Variants in FHOD3 observed in about 807,000 individuals in gnomAD.
The protein encoded by FHOD3 is FH1/FH2 domain-containing protein 3.
Under a neutral mutation model 173.0 loss-of-function variants are expected in FHOD3, and 90 were observed. The observed-to-expected ratio is 0.52, with a 90% CI of 0.44 to 0.62. The LOEUF (loss-of-function observed/expected upper bound fraction) is 0.62. FHOD3 is among the 20% of genes least tolerant of loss of function. FHOD3 has a pLI of 0.00. For missense variants in FHOD3, 1,945 were observed against 2,034.7 expected (o/e 0.96, Z 0.85); for synonymous variants, 828 against 823.0 (o/e 1.01, Z -0.10).
At chr18:36,589,916 G>A (rs1026560879) in intron 6 of FHOD3, among the ~76,000 whole-genome samples, 1 of 152,188 alleles carries the variant, frequency 6.6e-6, no homozygotes, top group Non-Finnish European at 1.5e-5. Flanking sequence ...GAGCCTGTAA[G>A]TTGTAGTGAA....
intron 2 of FHOD3, among the ~76,000 whole-genome samples, chr18:36,356,321 G>T (rs929868643): frequency 5.9e-5 from 9 of 152,196 alleles, no homozygotes; most frequent in African/African-American, 2.2e-4. Flanking sequence ...TAATACTTTT[G>T]CTGAATAAAG....
At chr18:36,322,172 G>A (rs1020869381) in intron 1 of FHOD3, among the ~76,000 whole-genome samples, 55 of 152,100 alleles carry the variant, frequency 3.6e-4, no homozygotes, top group African/African-American at 1.3e-3. Context: ...TGGAGTAGAG[G>A]GATGACTGTG....
intron 28 of FHOD3, among the ~76,000 whole-genome samples, chr18:36,772,722 A>C (rs1300881495): frequency 6.6e-6 from 1 of 152,240 alleles, no homozygotes; most frequent in Non-Finnish European, 1.5e-5. Context: ...CCCATGGCTC[A>C]GGTCGGCTGC....
chr18:36,511,576 T>A (rs1320442718), intron 4 of FHOD3, among the ~76,000 whole-genome samples: 2 of 152,084 alleles, frequency 1.3e-5, no homozygotes, highest in African/African-American at 2.4e-5. Context: ...CAGATGATTC[T>A]AATGTGAAGG....
intron 10 of FHOD3, among the ~76,000 whole-genome samples, chr18:36,633,535 G>T (rs1190262814): frequency 6.6e-6 from 1 of 152,160 alleles, no homozygotes; most frequent in Non-Finnish European, 1.5e-5. Context: ...CATGAAGAAG[G>T]TAGGAGTATC....
At chr18:36,395,690 C>T (rs1236964845) in intron 3 of FHOD3, among the ~76,000 whole-genome samples, 2 of 151,980 alleles carry the variant, frequency 1.3e-5, no homozygotes, top group Non-Finnish European at 2.9e-5. Context: ...CTGGCTGTTA[C>T]TAAGAGAAAT....
chr18:36,591,753 A>G (rs931342685), intron 6 of FHOD3, among the ~76,000 whole-genome samples: 3 of 2,042 alleles, frequency 1.5e-3, no homozygotes, highest in Non-Finnish European at 0.025. Context: ...CACTATCTCT[A>G]CAAAAAAAAA....
intron 3 of FHOD3, among the ~76,000 whole-genome samples, chr18:36,446,260 G>C (rs2051465581): frequency 6.6e-6 from 1 of 152,148 alleles, no homozygotes; most frequent in Non-Finnish European, 1.5e-5. Flanking sequence ...AGTGCATAAG[G>C]GCCCTGGGGG....
intron 6 of FHOD3, among the ~76,000 whole-genome samples, chr18:36,578,605 C>T (rs537518131): frequency 6.6e-6 from 1 of 152,284 alleles, no homozygotes; most frequent in East Asian, 1.9e-4. Flanking sequence ...GCTGGGGAGT[C>T]CATCCCCTGG....
intron 9 of FHOD3, among the ~76,000 whole-genome samples, chr18:36,623,401 A>G (rs2033859316): frequency 6.6e-6 from 1 of 152,256 alleles, no homozygotes; most frequent in African/African-American, 2.4e-5. Flanking sequence ...TTTTATTTAT[A>G]GAAATGAAAA....
At chr18:36,582,386 C>A (rs2058883874) in intron 6 of FHOD3, among the ~76,000 whole-genome samples, 1 of 152,170 alleles carries the variant, frequency 6.6e-6, no homozygotes. Flanking sequence ...ATGGCAATGT[C>A]ATGTTAAAGG....
In FHOD3 at chr18:36,576,457, G is replaced by A; in HGVS notation, c.518G>A (p.Gly173Asp). 1 of 1,611,808 alleles carries A rather than the reference G, an allele frequency of 6.2e-7. No homozygotes were observed. The highest frequency in any genetic ancestry group is 8.5e-7 in the Non-Finnish European group (1 of 1,179,060). The change falls in exon 6 of 29, where the codon GGC (glycine) becomes GAC (aspartate). Residue 173 changes from glycine to aspartate, a missense_variant. Physicochemically the swap from Gly to Asp is moderately conservative, Grantham distance 94. Transcript: ENST00000590592. Reference sequence around the variant, plus strand: ...TTTCTCTTGTTTTCTGTAGCTTTGGGCCAGATTATGTTGTATGTGGATGGA... The same window carrying A: ...TTTCTCTTGTTTTCTGTAGCTTTGGACCAGATTATGTTGTATGTGGATGGA... ...NYQNYILRAL[G>D]QIMLYVDGMN...
intron 5 of FHOD3, among the ~76,000 whole-genome samples, chr18:36,571,167 A>T (rs1040976400): frequency 4.6e-5 from 7 of 152,226 alleles, no homozygotes; most frequent in African/African-American, 1.4e-4. Context: ...TTAATGTTTA[A>T]CAAAGTTATA....
At position 36,625,578 on chromosome 18, in the gene FHOD3, G is replaced by A. The variant is rs2034038703; in HGVS notation, c.1025G>A (p.Arg342Lys). ...EPPPSGCRDR[R>K]RASVCSSGGG... Reference sequence around the variant, plus strand: ...CCCCCCAGTGGGTGCCGGGACCGGAGGAGGGCCAGCGTGTGTTCCAGTGGC... The same window carrying A: ...CCCCCCAGTGGGTGCCGGGACCGGAAGAGGGCCAGCGTGTGTTCCAGTGGC... Residue 342 changes from arginine (R) to lysine (K), a missense_variant, in exon 10 of 29, where the codon AGG (arginine) becomes AAG (lysine). This residue lies in a region of FHOD3 where 1,099 missense variants were observed against 1,051.2 expected (regional missense o/e 1.05). Coordinates refer to ENST00000590592, the MANE Select transcript of FHOD3 (RefSeq NM_001281740.3). 1.3e-6 allele frequency: 2 copies of A among 1,550,430 alleles called. No individual in the cohort carries two copies. The highest frequency in any genetic ancestry group is 2.8e-5 in the African/African-American group (2 of 72,532).
chr18:36,578,014 GT>G (rs1158380107), intron 6 of FHOD3, among the ~76,000 whole-genome samples: 2 of 152,204 alleles, frequency 1.3e-5, no homozygotes, highest in Non-Finnish European at 2.9e-5. Context: ...GGAGATCAGA[GT>G]GGCTGTAGTG....
chr18:36,355,840 T>C (rs906920660), intron 2 of FHOD3, among the ~76,000 whole-genome samples, 195 bp downstream of exon 2: 1 of 152,252 alleles, frequency 6.6e-6, no homozygotes, highest in Non-Finnish European at 1.5e-5. Context: ...CTTTTCTTGA[T>C]GGGTGCTCGG....
At chr18:36,695,697 G>A (rs1290506292) in intron 17 of FHOD3, among the ~76,000 whole-genome samples, 1 of 152,174 alleles carries the variant, frequency 6.6e-6, no homozygotes, top group Admixed American at 6.5e-5. Context: ...ATGAAAAGAT[G>A]GTGGTCTCAG....
intron 3 of FHOD3, among the ~76,000 whole-genome samples, chr18:36,440,273 C>T (rs771156061): frequency 2.0e-5 from 3 of 152,210 alleles, no homozygotes; most frequent in South Asian, 2.1e-4. Context: ...CAATGAGCAC[C>T]GGCCCAGCTG....
intron 5 of FHOD3, among the ~76,000 whole-genome samples, chr18:36,561,787 G>A (rs2058090146): frequency 6.6e-6 from 1 of 152,074 alleles, no homozygotes. Context: ...ATGACTGAGT[G>A]TGGTCACAAT....
Sources: allele counts gnomAD v4.1 joint callset (sites outside exome capture counted in the v4.1 genomes callset), GRCh38; gene constraint gnomAD v4.1.1; regional missense constraint gnomAD v4.1.1; transcripts MANE v1.5; gene names NCBI Gene and HGNC (gene_info 2026-07-23, HGNC 2026-07-21).